The following ABLIM1 variants were observed in gnomAD, a reference collection of about 807,000 sequenced individuals.
ABLIM1 encodes the protein actin binding LIM protein 1.
Under a neutral mutation model 107.0 loss-of-function variants are expected in ABLIM1, and 40 were observed. The ratio of observed to expected loss-of-function variants is 0.37; its 90% CI spans 0.29 to 0.49. The LOEUF (loss-of-function observed/expected upper bound fraction) is 0.49, where lower values mean the gene tolerates loss of function less well. Ranked by LOEUF, ABLIM1 falls within the 20% of genes least tolerant of loss-of-function variation. The pLI is 0.97. For synonymous variants in ABLIM1, 357 were observed against 357.3 expected, an observed-to-expected ratio of 1.00 and a Z score of 0.01; for missense variants, 857 against 1,008.5, an observed-to-expected ratio of 0.85 and a Z score of 2.04.
chr10:114,498,069 A>T (rs936420047), intron 6 of ABLIM1, among the ~76,000 whole-genome samples: 2 of 152,200 alleles, frequency 1.3e-5, no homozygotes, highest in Admixed American at 1.3e-4. Context: ...TTCTTTGTGG[A>T]CATGAGGTAC....
intron 1 of ABLIM1, among the ~76,000 whole-genome samples, chr10:114,734,667 C>T (rs1481155582): frequency 6.6e-6 from 1 of 152,132 alleles, no homozygotes; most frequent in African/African-American, 2.4e-5. Context: ...TGTGTGCTTT[C>T]CTGCCCGTGA....
At chr10:114,482,691 T>C (rs1024026193) in intron 8 of ABLIM1, among the ~76,000 whole-genome samples, 2 of 152,198 alleles carry the variant, frequency 1.3e-5, no homozygotes, top group Non-Finnish European at 1.5e-5. Flanking sequence ...CATTGATAGT[T>C]ACAGCTGGAT....
chr10:114,442,885 C>T (rs7086198), intron 17 of ABLIM1, among the ~76,000 whole-genome samples: 2,971 of 151,984 alleles, frequency 0.02, 99 homozygotes, highest in African/African-American at 0.069. Context: ...CTCACCCAGG[C>T]TGGAGTGCAG....
In ABLIM1 at chr10:114,480,100, C is replaced by A. The variant is rs182291779; in HGVS notation, c.1042-6144G>T. Reference sequence around the variant, plus strand: ...AGTTTCTTCTTTACCATTAACCCAACCCTATCATCACCTCTTTGGTCATCA... The same window carrying A: ...AGTTTCTTCTTTACCATTAACCCAAACCTATCATCACCTCTTTGGTCATCA... On this transcript the variant is annotated intron_variant, in intron 8 of 22. Transcript: ENST00000533213. Among the ~76,000 whole-genome samples the A allele has an allele frequency of 1.3e-3, 198 of 152,366 alleles. 1 individual carries two copies. The highest frequency in any genetic ancestry group is 2.7e-3 in the Admixed American group (42 of 15,300).
intron 6 of ABLIM1, 65 bp from the exon 7 acceptor site, chr10:114,491,943 G>A: frequency 7.7e-7 from 1 of 1,296,650 alleles, no homozygotes; most frequent in Non-Finnish European, 1.1e-6. Flanking sequence ...ATCTTTTCTG[G>A]ACTTGATGAT....
At chr10:114,571,549 G>T in intron 3 of ABLIM1, 143 bp from the exon 4 acceptor site, 1 of 757,562 alleles carries the variant, frequency 1.3e-6, no homozygotes, top group Non-Finnish European at 2.2e-6. Context: ...TCATAACCAA[G>T]CCAGCCAGCT....
chr10:114,686,520 A>AG (rs1428946511), upstream of ABLIM1, among the ~76,000 whole-genome samples: 1 of 151,812 alleles, frequency 6.6e-6, no homozygotes, highest in African/African-American at 2.4e-5. Context: ...CTCAAAAAAA[A>AG]AAACAAAAAC....
At chr10:114,649,151 G>A (rs930657004) in intron 1 of ABLIM1, among the ~76,000 whole-genome samples, 2 of 152,112 alleles carry the variant, frequency 1.3e-5, no homozygotes, top group Admixed American at 6.6e-5. Context: ...TAACCCCAGT[G>A]CTTTGGGAGG....
chr10:114,779,168 A>C, the ABLIM1 span: 1 of 152,196 alleles, frequency 6.6e-6, no homozygotes, highest in Non-Finnish European at 1.5e-5. Context: ...TCTCTCCTTA[A>C]TCAGTAATAC....
chr10:114,658,860 G>A (rs992403578), upstream of ABLIM1, among the ~76,000 whole-genome samples: 11 of 152,114 alleles, frequency 7.2e-5, no homozygotes, highest in Admixed American at 3.3e-4. Context: ...TGGGTTTTCT[G>A]TGATGGCAGA....
chr10:114,726,605 A>G (rs1319237375), intron 1 of ABLIM1, among the ~76,000 whole-genome samples: 1 of 152,102 alleles, frequency 6.6e-6, no homozygotes, highest in Non-Finnish European at 1.5e-5. Flanking sequence ...ACATGGTGAA[A>G]CCCCGTCTCC....
intron 1 of ABLIM1, among the ~76,000 whole-genome samples, chr10:114,759,798 G>T (rs1181914589): frequency 6.6e-6 from 1 of 152,200 alleles, no homozygotes; most frequent in Non-Finnish European, 1.5e-5. Flanking sequence ...AACACTACCA[G>T]TTAGAAAGGC....
chr10:114,465,710 A>G lies in ABLIM1; in HGVS notation c.1429T>C (p.Phe477Leu). The change falls in exon 12 of 23, where the codon TTC (phenylalanine) becomes CTC (leucine). Residue 477 changes from phenylalanine (F) to leucine (L), a missense_variant. This residue lies in a region of ABLIM1 where 381 missense variants were observed against 506.9 expected (regional missense o/e 0.75). Coordinates refer to ENST00000533213, the MANE Select transcript of ABLIM1 (RefSeq NM_002313.7). ...CAGTCACCCTTACCAGGTCTGTGGA[A>G]ATGCTGGGGAGAGCGGGACGTGGTT... ...TPTTSRSPQH[F>L]HRPGNEPSSG... 6.2e-7 allele frequency: 1 copy of G among 1,614,040 alleles called. No individual in the cohort carries two copies. Among genetic ancestry groups the G allele is most frequent in the Non-Finnish European group, 8.5e-7 (1 of 1,179,942 alleles).
intron 8 of ABLIM1, among the ~76,000 whole-genome samples, chr10:114,475,735 G>C (rs181669651): frequency 6.6e-6 from 1 of 152,224 alleles, no homozygotes; most frequent in Non-Finnish European, 1.5e-5. Context: ...AGAACGTGGA[G>C]AGTGAGAGGT....
At chr10:114,503,715 T>C (rs2060746334) in intron 6 of ABLIM1, among the ~76,000 whole-genome samples, 1 of 152,188 alleles carries the variant, frequency 6.6e-6, no homozygotes, top group African/African-American at 2.4e-5. Context: ...AGAAGAATCA[T>C]ATTAACAGCA....
intron 1 of ABLIM1, among the ~76,000 whole-genome samples, chr10:114,623,853 C>T (rs528660407): frequency 1.3e-5 from 2 of 152,346 alleles, no homozygotes; most frequent in African/African-American, 2.4e-5. Context: ...AGTATTCAAA[C>T]AAGCCAGCCT....
upstream of ABLIM1, among the ~76,000 whole-genome samples, chr10:114,686,260 G>A (rs1318856705): frequency 6.6e-6 from 1 of 152,118 alleles, no homozygotes; most frequent in Admixed American, 6.6e-5. Context: ...TGTAATCCCA[G>A]CAGTTTGGGA....
intron 2 of ABLIM1, among the ~76,000 whole-genome samples, chr10:114,578,472 A>T (rs2483574): frequency 0.76 from 114,557 of 149,792 alleles, 44,723 homozygotes; most frequent in African/African-American, 0.91. Flanking sequence ...AATGGCATGA[A>T]TTCGGCTCAC....
chr10:114,716,410 A>AAAAAAAACAC, intron 1 of ABLIM1, among the ~76,000 whole-genome samples: 1 of 143,626 alleles, frequency 7.0e-6, no homozygotes, highest in African/African-American at 2.6e-5. Flanking sequence ...GGTAGAGAGA[A>AAAAAAAACAC]ACACACACAC....
Sources: gnomAD v4.1 joint callset for allele counts (sites outside exome capture counted in the v4.1 genomes callset) on GRCh38, gnomAD v4.1.1 for gene constraint, gnomAD v4.1.1 regional missense constraint, MANE v1.5 for transcripts, NCBI Gene and HGNC (gene_info 2026-07-23, HGNC 2026-07-21) for gene names.